Variants in ROBO1 observed in about 807,000 individuals in gnomAD.
ROBO1 encodes roundabout guidance receptor 1, also known as roundabout homolog 1.
ROBO1 carries 149 observed loss-of-function variants against 195.9 expected under a neutral mutation model. That is an observed-to-expected ratio of 0.76 (90% CI 0.67 to 0.87). ROBO1 has a LOEUF of 0.87. Ranked by LOEUF, ROBO1 falls within the 40% of genes least tolerant of loss-of-function variation. The pLI is 0.00. For missense variants in ROBO1, 1,933 were observed against 2,068.3 expected, an observed-to-expected ratio of 0.93 and a Z score of 1.27; for synonymous variants, 816 against 733.2, an observed-to-expected ratio of 1.11 and a Z score of -1.82.
intron 2 of ROBO1, among the ~76,000 whole-genome samples, chr3:79,338,652 C>T (rs564918494): frequency 1.3e-5 from 2 of 152,228 alleles, no homozygotes; most frequent in African/African-American, 2.4e-5. Context: ...TTTCTTTCTA[C>T]ATCTCTGTTC....
intron 2 of ROBO1, among the ~76,000 whole-genome samples, chr3:79,557,610 G>A (rs12714480): frequency 9.9e-5 from 15 of 150,770 alleles, no homozygotes; most frequent in Non-Finnish European, 1.9e-4. Flanking sequence ...AGTAAACGCC[G>A]GTAATCCTAG....
At chr3:79,758,986 A>G (rs1704554107) in intron 1 of ROBO1, among the ~76,000 whole-genome samples, 1 of 152,208 alleles carries the variant, frequency 6.6e-6, no homozygotes, top group South Asian at 2.1e-4. Context: ...TATATTTGGT[A>G]TAGAGATTAA....
In ROBO1 at chr3:79,229,861, A is replaced by G. The variant is rs572677103; in HGVS notation, c.89-104322T>C. On this transcript the variant is annotated intron_variant, in intron 2 of 30. Transcript: ENST00000464233. ...ATGATGACCTTAATTCTCAAATCAT[A>G]ATTTTTCTTATCAATGATCTTTCTC... Among the ~76,000 whole-genome samples the G allele has an allele frequency of 1.4e-4, 21 of 152,294 alleles. No individual in the cohort carries two copies. The South Asian group carries it at 3.9e-3, about 29-fold the overall frequency.
chr3:79,015,243 C>T (rs1045414217), intron 3 of ROBO1, among the ~76,000 whole-genome samples: 1 of 151,976 alleles, frequency 6.6e-6, no homozygotes. Context: ...CAGATCGTAT[C>T]GGAACTACAC....
At chr3:78,613,756 G>A (rs1356562144) in intron 28 of ROBO1, among the ~76,000 whole-genome samples, 2 of 152,132 alleles carry the variant, frequency 1.3e-5, no homozygotes, top group Admixed American at 6.5e-5. Flanking sequence ...TGCAACCTTG[G>A]ATAAGGATCT....
At chr3:78,674,810 A>G (rs948430756) in intron 10 of ROBO1, among the ~76,000 whole-genome samples, 1 of 152,192 alleles carries the variant, frequency 6.6e-6, no homozygotes, top group Non-Finnish European at 1.5e-5. Flanking sequence ...CTACTTTAGC[A>G]TAGGTTTCTA....
Position 79,589,842 on chromosome 3 carries a change from G to C in ROBO1, c.70C>G (p.Leu24Val), listed in dbSNP as rs267599939. Residue 24 changes from leucine (L) to valine (V), a missense_variant, in exon 2 of 31, where the codon CTG becomes GTG. Leu to Val is a conservative substitution (Grantham distance 32). Around this residue, in one of 3 missense-constraint regions of ROBO1, gnomAD observed 185 missense variants for 159.5 expected, o/e 1.16. Coordinates refer to ENST00000464233, the MANE Select transcript of ROBO1 (RefSeq NM_002941.4). ...LLSLSPNHLF[L>V]AQLIPDPEDV... is the part of the protein sequence containing the mutation. The stretch of plus-strand genomic sequence containing the variant: ...CACTTACCTGGAATAAGCTGGGCCA[G>C]AAACAGGTGATTTGGGGATAAGCTG... 1.9e-6 allele frequency: 3 copies of C among 1,610,864 alleles called. No individual in the cohort carries two copies. Among genetic ancestry groups the C allele is most frequent in the Non-Finnish European group, 2.5e-6 (3 of 1,177,738 alleles).
At chr3:79,204,890 TTTTTTG>T (rs543259409) in intron 2 of ROBO1, among the ~76,000 whole-genome samples, 1,810 of 152,182 alleles carry the variant, frequency 0.012, 34 homozygotes, top group African/African-American at 0.041. Flanking sequence ...GGTTACGTCT[TTTTTTG>T]TTTTTGTTTT....
chr3:78,964,509 A>G (rs1177507776), intron 3 of ROBO1, among the ~76,000 whole-genome samples: 1 of 152,158 alleles, frequency 6.6e-6, no homozygotes, highest in Non-Finnish European at 1.5e-5. Flanking sequence ...TCCAAAAAAA[A>G]GGCTTTTTGT....
In ROBO1 at chr3:79,687,212, A is replaced by C. The variant is rs564220355; in HGVS notation, c.-51+80540T>G. ...CCTTCTTTACACCTTATACAAAAAT[A>C]AATTCAAGATGGATTAAAGACTTAA... On this transcript the variant is annotated intron_variant, in intron 1 of 30. Coordinates refer to ENST00000464233, the MANE Select transcript of ROBO1 (RefSeq NM_002941.4). 5.3e-5 allele frequency among the ~76,000 whole-genome samples: 8 copies of C among 152,244 alleles called. No individual in the cohort carries two copies. The South Asian group carries it at 1.5e-3, about 28-fold the overall frequency.
rs781071509 is a variant in ROBO1, at chr3:79,065,611, A to G, written c.172+59845T>C. ...AGATTTTAGGAGCCAATTTGAAAGGACTCTATTGGTCAAAGGTGAGACAAT... is the reference window on the plus strand; with the variant it reads ...AGATTTTAGGAGCCAATTTGAAAGGGCTCTATTGGTCAAAGGTGAGACAAT... On this transcript the variant is annotated intron_variant, in intron 3 of 30. Transcript: ENST00000464233. Among the ~76,000 whole-genome samples the G allele has an allele frequency of 5.7e-4, 87 of 151,834 alleles. 1 individual carries two copies. The highest frequency in any genetic ancestry group is 1.2e-3 in the Non-Finnish European group (81 of 67,894).
chr3:78,997,287 T>C (rs535055090), intron 3 of ROBO1, among the ~76,000 whole-genome samples: 5 of 152,300 alleles, frequency 3.3e-5, no homozygotes, highest in Admixed American at 6.5e-5. Flanking sequence ...GTGAAATACA[T>C]CTTTTTTTAT....
chr3:79,700,309 G>A (rs201550712), intron 1 of ROBO1, among the ~76,000 whole-genome samples: 1 of 88,442 alleles, frequency 1.1e-5, no homozygotes, highest in Non-Finnish European at 2.3e-5. Context: ...GTGTTTGTGT[G>A]TGTGTGTTTG....
At chr3:79,573,236 A>G (rs1453469298) in intron 2 of ROBO1, among the ~76,000 whole-genome samples, 2 of 152,038 alleles carry the variant, frequency 1.3e-5, no homozygotes, top group Non-Finnish European at 2.9e-5. Flanking sequence ...TTTTGTAGAG[A>G]TGAGAAACCC....
At chr3:78,811,738 G>A (rs566785893) in intron 4 of ROBO1, among the ~76,000 whole-genome samples, 6 of 151,982 alleles carry the variant, frequency 3.9e-5, no homozygotes, top group South Asian at 4.2e-4. Context: ...TACTGTGTCC[G>A]ACATGCCAGA....
chr3:78,620,883 A>ATATGTGTGTGTGTGTGTGTGTGTG (rs368794312), intron 26 of ROBO1, among the ~76,000 whole-genome samples: 7 of 144,668 alleles, frequency 4.8e-5, no homozygotes, highest in Non-Finnish European at 7.5e-5. Context: ...ATATATATAT[A>ATATGTGTGTGTGTGTGTGTGTGTG]TGTGTGTGTG....
chr3:79,438,954 C>T (rs1444061639), intron 2 of ROBO1, among the ~76,000 whole-genome samples: 1 of 152,022 alleles, frequency 6.6e-6, no homozygotes, highest in Non-Finnish European at 1.5e-5. Flanking sequence ...TCCCTTTAAG[C>T]ATCAGTTCAT....
chr3:79,719,791 C>T (rs2107286010), intron 1 of ROBO1, among the ~76,000 whole-genome samples: 1 of 152,234 alleles, frequency 6.6e-6, no homozygotes, highest in East Asian at 1.9e-4. Flanking sequence ...ATTAATAAAA[C>T]AAATACTTTT....
chr3:79,434,060 T>G (rs2038789535), intron 2 of ROBO1, among the ~76,000 whole-genome samples: 1 of 152,166 alleles, frequency 6.6e-6, no homozygotes, highest in African/African-American at 2.4e-5. Context: ...TATACAAAAA[T>G]TAATTCAAGA....
Sources: gnomAD v4.1 joint callset for allele counts (sites outside exome capture counted in the v4.1 genomes callset) on GRCh38, gnomAD v4.1.1 for gene constraint, gnomAD v4.1.1 regional missense constraint, MANE v1.5 for transcripts, NCBI Gene and HGNC (gene_info 2026-07-23, HGNC 2026-07-21) for gene names.